The following CUEDC1 variants were observed in gnomAD, a reference collection of about 807,000 sequenced individuals.
The protein encoded by CUEDC1 is CUE domain-containing protein 1.
Under a neutral mutation model 43.7 loss-of-function variants are expected in CUEDC1, and 30 were observed. The ratio of observed to expected loss-of-function variants is 0.69; its 90% confidence interval spans 0.51 to 0.93. The LOEUF is 0.93. CUEDC1 is among the 40% of genes least tolerant of loss of function. The pLI is 0.00. For synonymous variants in CUEDC1, 223 were observed against 223.6 expected (o/e 1.00, Z 0.02); for missense variants, 486 against 549.0 (o/e 0.89, Z 1.15).
chr17:57,953,417 A>C, intron 1 of CUEDC1, among the ~76,000 whole-genome samples: 1 of 152,158 alleles, frequency 6.6e-6, no homozygotes, highest in East Asian at 1.9e-4. Flanking sequence ...ACAAGCCCAA[A>C]GTTGCATAGG....
intron 1 of CUEDC1, among the ~76,000 whole-genome samples, chr17:57,924,627 G>A (rs918695788): frequency 7.2e-5 from 11 of 152,056 alleles, no homozygotes; most frequent in Non-Finnish European, 1.5e-5. Context: ...CTGAGCCTGG[G>A]TCCCATCACC....
intron 5 of CUEDC1, among the ~76,000 whole-genome samples, chr17:57,872,006 C>T (rs529326236): frequency 2.0e-5 from 3 of 152,348 alleles, no homozygotes; most frequent in Admixed American, 6.5e-5. Flanking sequence ...GGCCTCAGCC[C>T]AGCCTTCTCC....
chr17:57,867,319 T>C (rs1568025767), intron 9 of CUEDC1, 38 bp downstream of exon 9: 4 of 1,540,158 alleles, frequency 2.6e-6, no homozygotes, highest in South Asian at 1.2e-5. Flanking sequence ...TCACCGATCA[T>C]AGAGAAGTTG....
intron 1 of CUEDC1, among the ~76,000 whole-genome samples, chr17:57,920,385 G>A (rs900709782): frequency 5.9e-5 from 9 of 152,096 alleles, no homozygotes; most frequent in African/African-American, 2.2e-4. Context: ...TCTTGCTGAA[G>A]GTAATATTAC....
chr17:57,927,366 T>A (rs138239559), intron 1 of CUEDC1, among the ~76,000 whole-genome samples: 131 of 145,386 alleles, frequency 9.0e-4, no homozygotes, highest in African/African-American at 2.9e-3. Flanking sequence ...TGGTAATTGC[T>A]GGGGCTGCTG....
chr17:57,907,572 G>A (rs1024031152), intron 1 of CUEDC1, among the ~76,000 whole-genome samples: 4 of 152,116 alleles, frequency 2.6e-5, no homozygotes, highest in East Asian at 1.9e-4. Flanking sequence ...TGGGCCAGGC[G>A]CAGTGGCTCA....
intron 7 of CUEDC1, chr17:57,868,491 C>G (rs773353286): frequency 8.8e-5 from 47 of 533,902 alleles, no homozygotes; most frequent in Non-Finnish European, 1.5e-4. Context: ...GAGCCAGGCC[C>G]AGGGACCGCA....
At chr17:57,946,357 A>T (rs977575387) in intron 1 of CUEDC1, among the ~76,000 whole-genome samples, 3 of 152,200 alleles carry the variant, frequency 2.0e-5, no homozygotes, top group African/African-American at 7.2e-5. Flanking sequence ...AGGGAAGGAA[A>T]CATCTGTGTA....
rs535841411 is a variant in CUEDC1 at position 57,906,844 on chromosome 17, C to T, written c.-315-20965G>A. On this transcript the variant is annotated intron_variant, in intron 1 of 10. Coordinates refer to ENST00000577830, the MANE Select transcript of CUEDC1 (RefSeq NM_001271875.2). ...AAAATTAGTCGGGCGTGATGGCGGGCGCCTGTAATCCCAGCTACTTTGAGG... is the reference window on the plus strand; with the variant it reads ...AAAATTAGTCGGGCGTGATGGCGGGTGCCTGTAATCCCAGCTACTTTGAGG... Among the ~76,000 whole-genome samples, 35 of 151,970 alleles carry T rather than the reference C, an allele frequency of 2.3e-4. No individual in the cohort carries two copies. The South Asian group carries it at 4.8e-3, about 21-fold the overall frequency.
At chr17:57,946,365 G>T (rs999714656) in intron 1 of CUEDC1, among the ~76,000 whole-genome samples, 15 of 152,174 alleles carry the variant, frequency 9.9e-5, no homozygotes, top group Non-Finnish European at 2.2e-4. Flanking sequence ...AAACATCTGT[G>T]TATGCCTCAC....
chr17:57,880,511 T>C lies in CUEDC1; in HGVS notation c.337-773A>G, dbSNP rs114742949. 1.8e-3 allele frequency among the ~76,000 whole-genome samples: 273 copies of C among 152,266 alleles called. 1 individual carries two copies. The highest frequency in any genetic ancestry group is 5.2e-3 in the African/African-American group (215 of 41,562). ...AGGGGAGTGCCCGGGATGCCTGCTCTCCTTCCCAAGCTCTTGTCTTTATCC... is the reference window on the plus strand; with the variant it reads ...AGGGGAGTGCCCGGGATGCCTGCTCCCCTTCCCAAGCTCTTGTCTTTATCC... On this transcript the variant is annotated intron_variant, in intron 2 of 10. Transcript: ENST00000577830.
At chr17:57,901,257 CA>C (rs2074468540) in intron 1 of CUEDC1, among the ~76,000 whole-genome samples, 1 of 152,226 alleles carries the variant, frequency 6.6e-6, no homozygotes, top group African/African-American at 2.4e-5. Flanking sequence ...TTTTCACCTC[CA>C]ACATTCTCTG....
chr17:57,954,251 A>C lies in CUEDC1; in HGVS notation c.-316+974T>G, dbSNP rs1292829016. ...GCTGACTGCGGATCAGGTGGGGAGCACGGTGGATGGTCTTCTTGTATCCTC... is the reference window on the plus strand; with the variant it reads ...GCTGACTGCGGATCAGGTGGGGAGCCCGGTGGATGGTCTTCTTGTATCCTC... On this transcript the variant is annotated intron_variant, in intron 1 of 10. Coordinates refer to ENST00000577830, the MANE Select transcript of CUEDC1 (RefSeq NM_001271875.2). The surrounding 1 kb of genome is among the most constrained non-coding windows in gnomAD (Gnocchi z 4.3). 2.6e-5 allele frequency among the ~76,000 whole-genome samples: 4 copies of C among 152,120 alleles called. No homozygotes were observed. In the East Asian group the frequency reaches 7.7e-4, roughly 29 times the overall value.
At chr17:57,865,862 G>A (rs1332421754) in intron 10 of CUEDC1, among the ~76,000 whole-genome samples, 9 of 143,822 alleles carry the variant, frequency 6.3e-5, no homozygotes, top group African/African-American at 1.6e-4. Flanking sequence ...CACTCTTGTC[G>A]CCCAGGCTGG....
Position 57,872,803 on chromosome 17 carries a change from A to T in CUEDC1, c.644T>A (p.Met215Lys), listed in dbSNP as rs764461292. ...CTGGTCTCCGGGCCCTGGCCCAGCC[A>T]TGGCAGGTGGACATCCCTCTCCACT... ...PGSGEGCPPA[M>K]AGPGPGDQES... is the part of the protein sequence containing the mutation. Residue 215 changes from methionine to lysine, a missense_variant, in exon 5 of 11, where the codon ATG becomes AAG. By Grantham distance (95) the Met-to-Lys change is moderately conservative. Transcript: ENST00000577830. 3 of 1,614,150 alleles carry T rather than the reference A, an allele frequency of 1.9e-6. No individual in the cohort carries two copies. The highest frequency in any genetic ancestry group is 1.1e-5 in the South Asian group (1 of 91,088).
chr17:57,927,367 G>C (rs1214283753), intron 1 of CUEDC1, among the ~76,000 whole-genome samples: 1 of 151,624 alleles, frequency 6.6e-6, no homozygotes, highest in Non-Finnish European at 1.5e-5. Flanking sequence ...GGTAATTGCT[G>C]GGGCTGCTGC....
chr17:57,880,859 A>C (rs1435888697), intron 2 of CUEDC1, among the ~76,000 whole-genome samples: 5 of 144,510 alleles, frequency 3.5e-5, no homozygotes, highest in Non-Finnish European at 6.0e-5. Flanking sequence ...GCGGCCCCTG[A>C]CTGGGAGATC....
At chr17:57,917,221 C>A (rs1031101590) in intron 1 of CUEDC1, among the ~76,000 whole-genome samples, 2 of 124,974 alleles carry the variant, frequency 1.6e-5, no homozygotes, top group African/African-American at 3.7e-5. Context: ...AGCCTCATCT[C>A]CCCCAGGGCA....
At chr17:57,948,900 C>T (rs746852385) in intron 1 of CUEDC1, among the ~76,000 whole-genome samples, 8 of 152,208 alleles carry the variant, frequency 5.3e-5, no homozygotes, top group Non-Finnish European at 8.8e-5. Flanking sequence ...GTCTTCTTCA[C>T]CATGTTCACT....
Sources: allele counts gnomAD v4.1 joint callset (sites outside exome capture counted in the v4.1 genomes callset), GRCh38; gene constraint gnomAD v4.1.1; non-coding constraint Gnocchi (gnomAD v3.1); transcripts MANE v1.5; gene names NCBI Gene and HGNC (gene_info 2026-07-23, HGNC 2026-07-21).